AGMO: variants seen among roughly 807,000 people sequenced by gnomAD.
AGMO encodes the protein glyceryl-ether monooxygenase.
AGMO carries 75 observed loss-of-function variants against 60.2 expected under a neutral mutation model. The ratio of observed to expected loss-of-function variants is 1.25; its 90% CI spans 1.03 to 1.51. The LOEUF is 1.51. Among genes scored for constraint, AGMO ranks in the 40% most tolerant of loss-of-function variants. The pLI, the probability that AGMO is intolerant of heterozygous loss-of-function variation, is 0.00. For synonymous variants in AGMO, 261 were observed against 177.1 expected (o/e 1.47, Z -3.76); for missense variants, 763 against 525.5 (o/e 1.45, Z -4.42).
chr7:15,140,548 C>T, the AGMO span, among the ~76,000 whole-genome samples: 1 of 152,000 alleles, frequency 6.6e-6, no homozygotes, highest in Non-Finnish European at 1.5e-5. Context: ...CTCAAAATAT[C>T]TTAATCTCGC....
intron 3 of AGMO, among the ~76,000 whole-genome samples, chr7:15,450,578 G>T (rs1286759510): frequency 6.6e-6 from 1 of 152,076 alleles, no homozygotes; most frequent in African/African-American, 2.4e-5. Context: ...GACTATCTTT[G>T]TAGTTCAGAG....
intron 12 of AGMO, among the ~76,000 whole-genome samples, chr7:15,303,678 G>A (rs1780522095): frequency 6.6e-6 from 1 of 152,072 alleles, no homozygotes; most frequent in South Asian, 2.1e-4. Context: ...ATATGAAGGT[G>A]CTAAAAAGCA....
In AGMO at chr7:15,406,559, T is replaced by TACACACAC. The variant is rs201255638; in HGVS notation, c.609+11991_609+11998dup. Among the ~76,000 whole-genome samples the TACACACAC allele has an allele frequency of 3.3e-3, 218 of 65,936 alleles. 3 individuals are homozygous for TACACACAC. Among genetic ancestry groups the TACACACAC allele is most frequent in the African/African-American group, 7.4e-3 (108 of 14,592 alleles). 43.3% of individuals were successfully genotyped at this position (65,936 alleles called of 152,430 possible). ...ACTCAAAAGGCCCCTTTGTTTGGAA[T>TACACACAC]ACACACACACACACACACACACACA... On this transcript the variant is annotated intron_variant, in intron 5 of 12. Transcript: ENST00000342526.
At chr7:15,208,208 A>C (rs1329859112) in intron 12 of AGMO, among the ~76,000 whole-genome samples, 1 of 152,144 alleles carries the variant, frequency 6.6e-6, no homozygotes, top group Non-Finnish European at 1.5e-5. Flanking sequence ...ACTTTTTCTT[A>C]AACACTACAG....
At chr7:15,139,244 C>T in the AGMO span, among the ~76,000 whole-genome samples, 2 of 152,124 alleles carry the variant, frequency 1.3e-5, no homozygotes, top group African/African-American at 4.8e-5. Flanking sequence ...TTATCCACTC[C>T]CAATTATTTC....
intron 3 of AGMO, among the ~76,000 whole-genome samples, chr7:15,525,848 A>G (rs1313019271): frequency 6.6e-6 from 1 of 152,178 alleles, no homozygotes; most frequent in Non-Finnish European, 1.5e-5. Context: ...AGAGCTAATT[A>G]GCATGCTGTA....
intron 3 of AGMO, among the ~76,000 whole-genome samples, chr7:15,536,242 A>G (rs898236844): frequency 3.3e-5 from 5 of 151,864 alleles, no homozygotes; most frequent in African/African-American, 1.2e-4. Flanking sequence ...AAACGGCTCA[A>G]ATCTCAGTTA....
intron 4 of AGMO, among the ~76,000 whole-genome samples, chr7:15,420,634 T>C (rs1037757707): frequency 1.3e-5 from 2 of 152,174 alleles, no homozygotes; most frequent in Admixed American, 6.6e-5. Flanking sequence ...CTCACTTTTC[T>C]TCTCTACCTC....
chr7:15,243,833 T>C (rs1206097650), intron 12 of AGMO, among the ~76,000 whole-genome samples: 1 of 152,152 alleles, frequency 6.6e-6, no homozygotes, highest in Non-Finnish European at 1.5e-5. Context: ...CGGTTTTGTC[T>C]GCCACTACTC....
intron 10 of AGMO, among the ~76,000 whole-genome samples, chr7:15,376,874 G>A (rs1783477085): frequency 6.6e-6 from 1 of 152,176 alleles, no homozygotes; most frequent in East Asian, 1.9e-4. Context: ...TTAAATATAT[G>A]CTTTGCAAGT....
chr7:15,146,176 T>C, the AGMO span, among the ~76,000 whole-genome samples: 2 of 152,204 alleles, frequency 1.3e-5, no homozygotes, highest in Non-Finnish European at 2.9e-5. Flanking sequence ...ATATTTGAAA[T>C]ATAACCATTT....
chr7:15,199,408 C>G (rs186120938), downstream of AGMO, among the ~76,000 whole-genome samples: 1 of 152,136 alleles, frequency 6.6e-6, no homozygotes, highest in Admixed American at 6.5e-5. Flanking sequence ...TATTTATTAA[C>G]ATTTCTATTA....
chr7:15,253,014 A>T (rs1241279059), intron 12 of AGMO, among the ~76,000 whole-genome samples: 3 of 152,210 alleles, frequency 2.0e-5, no homozygotes, highest in African/African-American at 7.2e-5. Flanking sequence ...ACTACACAAG[A>T]ACAGATTCAA....
At chr7:15,317,930 TA>T (rs1780984830) in intron 12 of AGMO, among the ~76,000 whole-genome samples, 3 of 138,330 alleles carry the variant, frequency 2.2e-5, no homozygotes. Flanking sequence ...CACACACGTA[TA>T]TATATATATA....
At chr7:15,561,663 T>G in intron 1 of AGMO, 57 bp downstream of exon 1, 13 of 1,491,942 alleles carry the variant, frequency 8.7e-6, no homozygotes, top group Non-Finnish European at 1.1e-5. Flanking sequence ...AGATTGACCT[T>G]ACCATTTATT....
At chr7:15,362,129 GAAGAACAGTTTTAATAA>G (rs1165514924) in intron 12 of AGMO, among the ~76,000 whole-genome samples, 1 of 152,072 alleles carries the variant, frequency 6.6e-6, no homozygotes, top group African/African-American at 2.4e-5. Context: ...CTTATTGTTT[GAAGAACAGTTTTAATAA>G]AAGAACAGTT....
chr7:15,265,255 G>A (rs892292678), intron 12 of AGMO, among the ~76,000 whole-genome samples: 1 of 151,968 alleles, frequency 6.6e-6, no homozygotes, highest in African/African-American at 2.4e-5. Context: ...ACATAAAGAT[G>A]GAACAACAGA....
intron 3 of AGMO, among the ~76,000 whole-genome samples, chr7:15,503,314 T>C (rs1430536873): frequency 6.6e-6 from 1 of 151,994 alleles, no homozygotes; most frequent in East Asian, 1.9e-4. Context: ...ATCCAGATTT[T>C]ACAGATGAAG....
chr7:15,362,364 G>A lies in AGMO; in HGVS notation c.1263+3150C>T, dbSNP rs76650532. On this transcript the variant is annotated intron_variant, in intron 12 of 12. Coordinates refer to ENST00000342526, the MANE Select transcript of AGMO (RefSeq NM_001004320.2). ...TAGCAAAATATTTATCCAGTCTTACGTTGCCATCTCACTTGACCTCTCAAC... is the reference window on the plus strand; with the variant it reads ...TAGCAAAATATTTATCCAGTCTTACATTGCCATCTCACTTGACCTCTCAAC... 1.8e-3 allele frequency among the ~76,000 whole-genome samples: 269 copies of A among 152,172 alleles called. 2 individuals are homozygous for A. The highest frequency in any genetic ancestry group is 3.2e-3 in the Non-Finnish European group (219 of 67,996).
Sources: gnomAD v4.1 joint callset for allele counts (sites outside exome capture counted in the v4.1 genomes callset) on GRCh38, gnomAD v4.1.1 for gene constraint, MANE v1.5 for transcripts, NCBI Gene and HGNC (gene_info 2026-07-23, HGNC 2026-07-21) for gene names.